Variants in ARID4B observed in about 807,000 individuals in gnomAD.
ARID4B encodes AT-rich interaction domain 4B.
A neutral mutation model predicts 147.5 loss-of-function variants in ARID4B; 26 were observed. The ratio of observed to expected loss-of-function variants is 0.18; its 90% CI spans 0.13 to 0.24. ARID4B has a LOEUF of 0.24. Among genes scored for constraint, ARID4B ranks in the 10% least tolerant of loss-of-function variants. ARID4B has a pLI of 1.00. For missense variants in ARID4B, 1,179 were observed against 1,511.5 expected (o/e 0.78, Z 3.65); for synonymous variants, 512 against 507.9 (o/e 1.01, Z -0.11).
chr1:235,170,514 G>A (rs1478411155), intron 23 of ARID4B, among the ~76,000 whole-genome samples: 5 of 151,980 alleles, frequency 3.3e-5, no homozygotes, highest in Admixed American at 6.6e-5. Context: ...CTAGGTGGGC[G>A]GATCACAAGG....
chr1:235,325,596 C>A (rs2103320646), intron 2 of ARID4B, among the ~76,000 whole-genome samples: 1 of 152,236 alleles, frequency 6.6e-6, no homozygotes. Context: ...AATTCTCACC[C>A]AACATCAAGG....
At chr1:235,302,156 AAAAAAAAAAAAAAAAAAAAAACAGC>A (rs1251299147) in intron 2 of ARID4B, among the ~76,000 whole-genome samples, 1 of 139,928 alleles carries the variant, frequency 7.1e-6, no homozygotes, top group Non-Finnish European at 1.5e-5. Context: ...AAAAACGGAA[AAAAAAAAAAAAAAAAAAAAAACAGC>A]AAAAAAAAAC....
intron 9 of ARID4B, among the ~76,000 whole-genome samples, chr1:235,232,429 G>T (rs1207641145): frequency 6.6e-6 from 1 of 151,272 alleles, no homozygotes; most frequent in Non-Finnish European, 1.5e-5. Context: ...TCAAAAAAAA[G>T]TAAATAAAAT....
chr1:235,293,549 C>T lies in ARID4B; in HGVS notation c.7-32797G>A, dbSNP rs145292693. Among the ~76,000 whole-genome samples, 1,008 of 151,954 alleles carry T rather than the reference C, an allele frequency of 6.6e-3. 7 individuals are homozygous for T. The highest frequency in any genetic ancestry group is 0.046 in the South Asian group (224 of 4,818). ...TGTAAATATGAGGTAAAATGTCTAC[C>T]TATAGATAGTATAAATTGTAAGCAA... is the stretch of plus-strand genomic sequence containing the variant. On this transcript the variant is annotated intron_variant, in intron 2 of 23. Coordinates refer to ENST00000264183, the MANE Select transcript of ARID4B (RefSeq NM_016374.6).
intron 2 of ARID4B, among the ~76,000 whole-genome samples, chr1:235,288,722 T>C (rs1672140814): frequency 6.6e-6 from 1 of 152,234 alleles, no homozygotes; most frequent in African/African-American, 2.4e-5. Context: ...GGGCTGCTTC[T>C]GGGTAGGTAT....
chr1:235,188,842 C>T (rs1664871012), intron 19 of ARID4B, among the ~76,000 whole-genome samples: 1 of 152,078 alleles, frequency 6.6e-6, no homozygotes, highest in Non-Finnish European at 1.5e-5. Flanking sequence ...AAGTGCCAAC[C>T]ATATGCTTGC....
At chr1:235,286,364 T>C (rs1671973096) in intron 2 of ARID4B, among the ~76,000 whole-genome samples, 1 of 152,204 alleles carries the variant, frequency 6.6e-6, no homozygotes, top group African/African-American at 2.4e-5. Flanking sequence ...AAGCCTATAA[T>C]GTATCAGGTG....
At position 235,307,462 on chromosome 1, in the gene ARID4B, A is replaced by G. The variant is rs143736216; in HGVS notation, c.6+19452T>C. Among the ~76,000 whole-genome samples the G allele has an allele frequency of 9.3e-4, 141 of 152,314 alleles. 1 individual carries two copies. The Middle Eastern group carries it at 0.01, about 11-fold the overall frequency. ...CCTGTCTCTTTACAAAAAAAGAAAA[A>G]GGAAAAAGAAAAGAAAAAAAGAAAA... On this transcript the variant is annotated intron_variant, in intron 2 of 23. Transcript: ENST00000264183.
intron 5 of ARID4B, among the ~76,000 whole-genome samples, chr1:235,254,825 A>G (rs1479579965): frequency 1.3e-5 from 2 of 152,050 alleles, no homozygotes; most frequent in Non-Finnish European, 2.9e-5. Context: ...TAAACATATG[A>G]AAAGATGTTC....
At chr1:235,230,233 G>A (rs192028663) in intron 10 of ARID4B, among the ~76,000 whole-genome samples, 135 of 151,898 alleles carry the variant, frequency 8.9e-4, no homozygotes, top group African/African-American at 2.9e-3. Flanking sequence ...CTGGTCAATG[G>A]TGAAACTCTG....
chr1:235,168,658 G>C lies in ARID4B; in HGVS notation c.3812-6C>G. ...GGATGAGGATGTAGCAGCACCTAAG[G>C]AAAAGGGAGACCAAACCAAGAGCTT... On this transcript the variant is annotated splice_polypyrimidine_tract_variant and splice_region_variant and intron_variant, in intron 23 of 23. Transcript: ENST00000264183. 1 of 1,610,960 alleles carries C rather than the reference G, an allele frequency of 6.2e-7. No homozygotes were observed. The highest frequency in any genetic ancestry group is 1.1e-5 in the South Asian group (1 of 90,590).
chr1:235,279,986 A>C (rs572300972), intron 2 of ARID4B, among the ~76,000 whole-genome samples: 1 of 152,308 alleles, frequency 6.6e-6, no homozygotes, highest in East Asian at 1.9e-4. Flanking sequence ...CCTTTTGCTG[A>C]TAATGCTTCC....
intron 2 of ARID4B, among the ~76,000 whole-genome samples, chr1:235,276,771 G>T (rs905286607): frequency 5.9e-5 from 9 of 152,084 alleles, no homozygotes; most frequent in African/African-American, 1.9e-4. Context: ...GCCGAAGCAG[G>T]GGGGATCACC....
Position 235,234,351 on chromosome 1 carries a change from T to TA in ARID4B, c.665+61dup. On this transcript the variant is annotated intron_variant, in intron 9 of 23. Transcript: ENST00000264183. ...ATAACTAATTAATCATTTAACATCCTAATTCAAAATAACAGCATATATTTA... is the reference window on the plus strand; with the variant it reads ...ATAACTAATTAATCATTTAACATCCTAAATTCAAAATAACAGCATATATTTA... 15 of 1,042,780 alleles carry TA rather than the reference T, an allele frequency of 1.4e-5. No homozygotes were observed. In the South Asian group the frequency reaches 2.1e-4, roughly 14 times the overall value. 64.6% of individuals were successfully genotyped at this position (1,042,780 alleles called of 1,614,324 possible). A position where few individuals can be genotyped will look rare whatever the true frequency, so the allele number is the denominator to read the frequency against.
intron 8 of ARID4B, among the ~76,000 whole-genome samples, chr1:235,238,978 T>A (rs1179070999): frequency 7.2e-6 from 1 of 138,106 alleles, no homozygotes; most frequent in Non-Finnish European, 1.5e-5. Context: ...TAATTCTTTT[T>A]TTTTCTTCTT....
At chr1:235,287,059 A>C (rs1287472216) in intron 2 of ARID4B, among the ~76,000 whole-genome samples, 2 of 152,176 alleles carry the variant, frequency 1.3e-5, no homozygotes, top group African/African-American at 4.8e-5. Context: ...CAGGAGTTAG[A>C]GACCAGCCTG....
At chr1:235,195,944 T>C in intron 18 of ARID4B, 87 bp downstream of exon 18, 1 of 787,520 alleles carries the variant, frequency 1.3e-6, no homozygotes, top group Non-Finnish European at 2.2e-6. Context: ...TTCAATAAAG[T>C]GTAACACTAA....
chr1:235,246,913 A>C (rs1669334617), intron 6 of ARID4B, among the ~76,000 whole-genome samples: 1 of 152,162 alleles, frequency 6.6e-6, no homozygotes, highest in Non-Finnish European at 1.5e-5. Flanking sequence ...ATCATAATCC[A>C]TAAAATAAAA....
intron 7 of ARID4B, among the ~76,000 whole-genome samples, chr1:235,245,441 GGAT>G (rs1366532651): frequency 4.6e-5 from 7 of 151,730 alleles, no homozygotes; most frequent in South Asian, 2.1e-4. Flanking sequence ...TTACACTTTA[GGAT>G]GATGTGTATA....
Sources: allele counts gnomAD v4.1 joint callset (sites outside exome capture counted in the v4.1 genomes callset), GRCh38; gene constraint gnomAD v4.1.1; transcripts MANE v1.5; gene names NCBI Gene and HGNC (gene_info 2026-07-23, HGNC 2026-07-21).